ESRRG: variants seen among roughly 807,000 people sequenced by gnomAD.
ESRRG encodes estrogen-related receptor gamma.
Under a neutral mutation model 44.0 loss-of-function variants are expected in ESRRG, and 13 were observed. That is an observed-to-expected ratio of 0.30 (90% confidence interval 0.19 to 0.47). The LOEUF (loss-of-function observed/expected upper bound fraction) is 0.47. ESRRG is among the 20% of genes least tolerant of loss of function. The pLI is 1.00. For synonymous variants in ESRRG, 215 were observed against 214.6 expected (o/e 1.00, Z -0.02); for missense variants, 395 against 580.6 (o/e 0.68, Z 3.29).
chr1:216,994,951 C>T (rs2076193827), intron 1 of ESRRG, among the ~76,000 whole-genome samples: 1 of 152,346 alleles, frequency 6.6e-6, no homozygotes, highest in South Asian at 2.1e-4. Context: ...CAGATTTCTG[C>T]ACACAGATGA....
At chr1:216,964,371 G>A (rs1404171798) in intron 1 of ESRRG, among the ~76,000 whole-genome samples, 2 of 152,138 alleles carry the variant, frequency 1.3e-5, no homozygotes, top group African/African-American at 4.8e-5. Context: ...CAGGTCTGCT[G>A]ACAGCAACAT....
intron 2 of ESRRG, among the ~76,000 whole-genome samples, chr1:216,843,314 G>A (rs1166796878): frequency 1.3e-5 from 2 of 151,908 alleles, no homozygotes; most frequent in African/African-American, 4.8e-5. Context: ...AGGAATAGAA[G>A]ACAACCTTTT....
At chr1:216,710,212 C>T (rs2083318490) in intron 1 of ESRRG, among the ~76,000 whole-genome samples, 1 of 152,152 alleles carries the variant, frequency 6.6e-6, no homozygotes, top group Non-Finnish European at 1.5e-5. Flanking sequence ...AGTGTTAATC[C>T]TGTTTTATGT....
upstream of ESRRG, among the ~76,000 whole-genome samples, chr1:217,093,322 A>T (rs569223240): frequency 2.4e-4 from 37 of 152,138 alleles, no homozygotes; most frequent in Non-Finnish European, 4.7e-4. Context: ...ATGACACAGG[A>T]TGTGAGAGAG....
At chr1:216,825,529 A>C (rs1260090270) in intron 2 of ESRRG, among the ~76,000 whole-genome samples, 4 of 152,208 alleles carry the variant, frequency 2.6e-5, no homozygotes, top group Non-Finnish European at 5.9e-5. Context: ...GAAGGAAGGC[A>C]CAGCCAGAAA....
chr1:216,605,962 T>G (rs2059884903), intron 3 of ESRRG, among the ~76,000 whole-genome samples: 1 of 152,152 alleles, frequency 6.6e-6, no homozygotes, highest in African/African-American at 2.4e-5. Context: ...TGCAATACTT[T>G]GCTGCCCCTG....
chr1:217,028,501 G>T (rs927589534), intron 1 of ESRRG, among the ~76,000 whole-genome samples: 3 of 152,152 alleles, frequency 2.0e-5, no homozygotes, highest in Non-Finnish European at 2.9e-5. Flanking sequence ...AGGTGAATTT[G>T]CAAAATTGCA....
At chr1:216,584,565 C>G (rs1387222034) in intron 3 of ESRRG, among the ~76,000 whole-genome samples, 1 of 152,058 alleles carries the variant, frequency 6.6e-6, no homozygotes. Flanking sequence ...CCAAAACTTA[C>G]AAGTTATAAA....
At chr1:217,098,506 G>A (rs543378684) in intron 1 of ESRRG, among the ~76,000 whole-genome samples, 3 of 152,212 alleles carry the variant, frequency 2.0e-5, no homozygotes, top group African/African-American at 7.2e-5. Flanking sequence ...TTCCAGAATC[G>A]ATGCTCTTTT....
chr1:216,887,779 T>C (rs112936776), intron 2 of ESRRG, among the ~76,000 whole-genome samples: 9 of 152,298 alleles, frequency 5.9e-5, no homozygotes, highest in Non-Finnish European at 1.2e-4. Context: ...TATACCTAAA[T>C]GCATTCATAT....
intron 2 of ESRRG, among the ~76,000 whole-genome samples, chr1:216,846,497 T>A (rs1055029810): frequency 6.6e-6 from 1 of 152,126 alleles, no homozygotes; most frequent in African/African-American, 2.4e-5. Context: ...AATGAGTAGA[T>A]AAATGGCTGT....
chr1:216,698,525 A>T (rs1468859245), intron 1 of ESRRG, among the ~76,000 whole-genome samples: 1 of 151,422 alleles, frequency 6.6e-6, no homozygotes, highest in African/African-American at 2.4e-5. Flanking sequence ...TCTCAAAAAA[A>T]AAAAAAAAAA....
chr1:216,719,670 G>A (rs572706876), intron 1 of ESRRG, among the ~76,000 whole-genome samples: 26 of 151,592 alleles, frequency 1.7e-4, no homozygotes, highest in East Asian at 7.7e-4. Flanking sequence ...ATCAAATGCC[G>A]TCAATTTAGG....
At chr1:216,803,388 C>A (rs2094685407) in intron 2 of ESRRG, among the ~76,000 whole-genome samples, 2 of 152,238 alleles carry the variant, frequency 1.3e-5, no homozygotes, top group South Asian at 4.1e-4. Context: ...TGTTCAGACT[C>A]TTGAGTGTCC....
chr1:216,607,294 A>T (rs1251798615), intron 3 of ESRRG, among the ~76,000 whole-genome samples: 4 of 152,318 alleles, frequency 2.6e-5, no homozygotes, highest in Non-Finnish European at 5.9e-5. Flanking sequence ...CAAAACTGAC[A>T]ATAGTACAGG....
chr1:216,872,970 G>A (rs1053629922), intron 2 of ESRRG, among the ~76,000 whole-genome samples: 3 of 152,072 alleles, frequency 2.0e-5, no homozygotes, highest in Non-Finnish European at 4.4e-5. Flanking sequence ...CAATCAAATT[G>A]ATGAGTTTCA....
intron 1 of ESRRG, among the ~76,000 whole-genome samples, chr1:216,957,253 C>T (rs556268239): frequency 6.6e-6 from 1 of 152,210 alleles, no homozygotes; most frequent in East Asian, 1.9e-4. Flanking sequence ...CTACACTCTC[C>T]CTAGGTGGTC....
At chr1:217,046,103 T>C (rs2084830985) in intron 1 of ESRRG, among the ~76,000 whole-genome samples, 1 of 151,696 alleles carries the variant, frequency 6.6e-6, no homozygotes, top group Non-Finnish European at 1.5e-5. Flanking sequence ...AGTTAAGGCA[T>C]GTCGCCAATA....
Position 216,575,610 on chromosome 1 carries a change from T to C in ESRRG, c.590-7512A>G, listed in dbSNP as rs149549764. On this transcript the variant is annotated intron_variant, in intron 3 of 6. Transcript: ENST00000408911. The stretch of plus-strand genomic sequence containing the variant: ...TCCTATGAGGCAGGTGCTATTATCA[T>C]CCCATTTTACAGATGAGAAAACCGG... Among the ~76,000 whole-genome samples the C allele has an allele frequency of 2.0e-5, 3 of 152,176 alleles. No homozygotes were observed. The East Asian group carries it at 5.8e-4, about 29-fold the overall frequency.
Sources: allele counts gnomAD v4.1 joint callset (sites outside exome capture counted in the v4.1 genomes callset), GRCh38; gene constraint gnomAD v4.1.1; transcripts MANE v1.5; gene names NCBI Gene and HGNC (gene_info 2026-07-23, HGNC 2026-07-21).